Variants in RTF1 observed in about 807,000 individuals in gnomAD.
RTF1 encodes the protein RTF1 homolog, Paf1/RNA polymerase II complex component.
In RTF1, 10 loss-of-function variants were observed where a neutral mutation model predicts 95.7. The observed-to-expected ratio is 0.10, with a 90% confidence interval of 0.06 to 0.18. RTF1 has a LOEUF of 0.18. Among genes scored for constraint, RTF1 ranks in the 10% least tolerant of loss-of-function variants. The pLI is 1.00. For synonymous variants in RTF1, 305 were observed against 311.8 expected (o/e 0.98, Z 0.23); for missense variants, 458 against 875.6 (o/e 0.52, Z 6.02).
intron 14 of RTF1, 94 bp from the exon 15 acceptor site, chr15:41,478,454 C>A: frequency 5.3e-4 from 321 of 601,856 alleles, no homozygotes; most frequent in Middle Eastern, 1.2e-3. Context: ...TTTTTTTTTT[C>A]AGTCCCGTGC....
At chr15:41,475,415 G>T in intron 9 of RTF1, 110 bp from the exon 10 acceptor site, 1 of 795,756 alleles carries the variant, frequency 1.3e-6, no homozygotes, top group Admixed American at 2.2e-5. Flanking sequence ...CTAGGATTGA[G>T]AACCACTGCA....
At chr15:41,473,353 C>T (rs930127004) in intron 8 of RTF1, among the ~76,000 whole-genome samples, 7 of 150,828 alleles carry the variant, frequency 4.6e-5, no homozygotes, top group Admixed American at 1.3e-4. Flanking sequence ...AGGATGGTCT[C>T]GATCTCCTGA....
intron 14 of RTF1, among the ~76,000 whole-genome samples, chr15:41,478,221 C>T (rs222209): frequency 4.6e-5 from 7 of 151,946 alleles, no homozygotes; most frequent in East Asian, 1.9e-4. Context: ...GCCAACATGG[C>T]GAAACCCTGT....
intron 1 of RTF1, among the ~76,000 whole-genome samples, 159 bp from the exon 2 acceptor site, chr15:41,438,162 G>C (rs1037143885): frequency 1.3e-5 from 2 of 152,192 alleles, no homozygotes; most frequent in Non-Finnish European, 2.9e-5. Flanking sequence ...TGGAATCCTA[G>C]CAGTCAGTCT....
rs1162886064 is a variant in RTF1, at chr15:41,417,099, G to GGGCGGA, written c.-16_-15insGCGGAG. On this transcript the variant is annotated 5_prime_UTR_variant, in exon 1 of 18. Coordinates refer to ENST00000389629, the MANE Select transcript of RTF1 (RefSeq NM_015138.5). Reference sequence around the variant, plus strand: ...GGCGAGCAGGGGGCGGGGCCAGGGGGGCGGAGCGGAGCGCGCATGCGCGGT... The same window carrying GGGCGGA: ...GGCGAGCAGGGGGCGGGGCCAGGGGGGGCGGAGCGGAGCGGAGCGCGCATGCGCGGT... 1.5e-5 allele frequency: 18 copies of GGGCGGA among 1,232,574 alleles called. No homozygotes were observed. Among genetic ancestry groups the GGGCGGA allele is most frequent in the Non-Finnish European group, 1.8e-5 (18 of 985,044 alleles). 76.4% of individuals were successfully genotyped at this position (1,232,574 alleles called of 1,614,324 possible). A position where few individuals can be genotyped will look rare whatever the true frequency, so the allele number is the denominator to read the frequency against.
chr15:41,418,795 A>G (rs2050585090), intron 1 of RTF1, among the ~76,000 whole-genome samples: 1 of 151,664 alleles, frequency 6.6e-6, no homozygotes, highest in Non-Finnish European at 1.5e-5. Context: ...AAAAAAAAAA[A>G]AAAAAAGAAA....
chr15:41,433,479 C>T (rs74575371), intron 1 of RTF1, among the ~76,000 whole-genome samples: 7,742 of 151,970 alleles, frequency 0.051, 235 homozygotes, highest in East Asian at 0.16. Context: ...GGACTACAGG[C>T]GTGCGCCACC....
rs1202658537 is a variant in RTF1, at chr15:41,464,937, T to A, written c.777+52T>A. On this transcript the variant is annotated intron_variant, in intron 5 of 17. Coordinates refer to ENST00000389629, the MANE Select transcript of RTF1 (RefSeq NM_015138.5). ...CCAAAGAATAAACCTGTTTTGAGTG[T>A]GTGTGTGTGTGTGTGTGTGTGTGTG... is the stretch of plus-strand genomic sequence containing the variant. 1.5e-5 allele frequency: 13 copies of A among 850,870 alleles called. No homozygotes were observed. The Admixed American group carries it at 2.0e-4, about 13-fold the overall frequency. 52.7% of individuals were successfully genotyped at this position (850,870 alleles called of 1,614,324 possible).
chr15:41,437,652 G>A (rs936365555), intron 1 of RTF1, among the ~76,000 whole-genome samples: 8 of 152,192 alleles, frequency 5.3e-5, no homozygotes, highest in African/African-American at 9.6e-5. Flanking sequence ...AGGGAACCAT[G>A]TGACAGAGCA....
chr15:41,440,229 C>T (rs1225877353), intron 2 of RTF1: 1 of 140,594 alleles, frequency 7.1e-6, no homozygotes, highest in Non-Finnish European at 1.5e-5. Flanking sequence ...CTCACTCTGT[C>T]ACCCAGGCTA....
intron 2 of RTF1, among the ~76,000 whole-genome samples, chr15:41,444,494 C>T (rs112039035): frequency 0.011 from 1,635 of 152,062 alleles, 34 homozygotes; most frequent in African/African-American, 0.037. Context: ...GGGGTTTCAC[C>T]GTGTTACCCA....
rs900673691 is a variant in RTF1 at position 41,481,373 on chromosome 15, A to G, written c.*686A>G. 2.6e-5 allele frequency: 4 copies of G among 152,346 alleles called. No individual in the cohort carries two copies. Among genetic ancestry groups the G allele is most frequent in the Non-Finnish European group, 1.5e-5 (1 of 68,010 alleles). The allele number at this position is 152,346 out of a possible 1,614,324, so 9.4% of individuals were successfully genotyped here. On this transcript the variant is annotated 3_prime_UTR_variant, in exon 18 of 18. Coordinates refer to ENST00000389629, the MANE Select transcript of RTF1 (RefSeq NM_015138.5). Reference sequence around the variant, plus strand: ...TCTGTCATGGGTCTATAGCTGTTTCAGATTTTTTTCAGCTGTACTTGAGCA... The same window carrying G: ...TCTGTCATGGGTCTATAGCTGTTTCGGATTTTTTTCAGCTGTACTTGAGCA...
In RTF1 at chr15:41,441,449, A is replaced by T. The variant is rs145875126; in HGVS notation, c.309+3018A>T. Among the ~76,000 whole-genome samples the T allele has an allele frequency of 7.9e-3, 1,200 of 152,238 alleles. 5 individuals carry two copies. Among genetic ancestry groups the T allele is most frequent in the Non-Finnish European group, 0.012 (801 of 68,012 alleles). ...GATACAAGCAGTAAGTCTGCTTGGA[A>T]CACATTCATTCTCCATATGTCTGTT... On this transcript the variant is annotated intron_variant, in intron 2 of 17. Coordinates refer to ENST00000389629, the MANE Select transcript of RTF1 (RefSeq NM_015138.5).
intron 1 of RTF1, among the ~76,000 whole-genome samples, chr15:41,437,402 A>G (rs920148867): frequency 4.6e-5 from 7 of 151,880 alleles, no homozygotes; most frequent in Admixed American, 3.9e-4. Flanking sequence ...AGGCTGAGGC[A>G]GGAGAATGGT....
chr15:41,442,292 C>A lies in RTF1; in HGVS notation c.309+3861C>A, dbSNP rs376545769. On this transcript the variant is annotated intron_variant, in intron 2 of 17. Coordinates refer to ENST00000389629, the MANE Select transcript of RTF1 (RefSeq NM_015138.5). Reference sequence around the variant, plus strand: ...ACGCCATTCTTCTGCCTCAGCCTCCCGAGCAGCTGGGACTACAGGCGCTCA... The same window carrying A: ...ACGCCATTCTTCTGCCTCAGCCTCCAGAGCAGCTGGGACTACAGGCGCTCA... 6.6e-5 allele frequency among the ~76,000 whole-genome samples: 10 copies of A among 151,706 alleles called. No homozygotes were observed. In the East Asian group the frequency reaches 2.0e-3, roughly 30 times the overall value.
At chr15:41,428,610 T>C (rs1323711447) in intron 1 of RTF1, among the ~76,000 whole-genome samples, 10 of 151,098 alleles carry the variant, frequency 6.6e-5, no homozygotes. Flanking sequence ...TCTCACTCTG[T>C]TACCCAAGCT....
intron 1 of RTF1, among the ~76,000 whole-genome samples, chr15:41,418,319 C>A (rs945716101): frequency 8.5e-5 from 13 of 152,118 alleles, no homozygotes; most frequent in Non-Finnish European, 1.6e-4. Flanking sequence ...GAATTCTAGG[C>A]TGGGCTTATG....
chr15:41,468,047 C>A (rs1370680657), intron 6 of RTF1, among the ~76,000 whole-genome samples: 3 of 151,910 alleles, frequency 2.0e-5, no homozygotes, highest in South Asian at 4.1e-4. Flanking sequence ...TGCCTGTAAT[C>A]CCAGCTACTT....
chr15:41,466,010 C>T (rs913982534), intron 5 of RTF1, 131 bp from the exon 6 acceptor site: 2 of 545,212 alleles, frequency 3.7e-6, no homozygotes, highest in Non-Finnish European at 6.4e-6. Flanking sequence ...GCTCTCTCCC[C>T]TTACATAAAA....
Sources: allele counts gnomAD v4.1 joint callset (sites outside exome capture counted in the v4.1 genomes callset), GRCh38; gene constraint gnomAD v4.1.1; transcripts MANE v1.5; gene names NCBI Gene and HGNC (gene_info 2026-07-23, HGNC 2026-07-21).